PDE4DIP: variants seen among roughly 807,000 people sequenced by gnomAD.
PDE4DIP encodes myomegalin.
In PDE4DIP, 59 loss-of-function variants were observed where a neutral mutation model predicts 221.4. That is an observed-to-expected ratio of 0.27 (90% CI 0.22 to 0.33). The LOEUF (loss-of-function observed/expected upper bound fraction) is 0.33. Among genes scored for constraint, PDE4DIP ranks in the 10% least tolerant of loss-of-function variants. The pLI, the probability that PDE4DIP is intolerant of heterozygous loss-of-function variation, is 1.00. For missense variants in PDE4DIP, 1,036 were observed against 2,154.2 expected, an observed-to-expected ratio of 0.48 and a Z score of 10.28; for synonymous variants, 404 against 815.9, an observed-to-expected ratio of 0.50 and a Z score of 8.60.
intron 1 of PDE4DIP, among the ~76,000 whole-genome samples, chr1:148,925,618 T>C (rs2046522744): frequency 1.3e-5 from 2 of 152,008 alleles, no homozygotes; most frequent in East Asian, 3.9e-4. Context: ...TCTAAGTATT[T>C]TTCCTGGTAA....
intron 5 of PDE4DIP, among the ~76,000 whole-genome samples, chr1:148,941,456 A>G (rs1282744262): frequency 7.3e-6 from 1 of 137,824 alleles, no homozygotes; most frequent in African/African-American, 2.9e-5. Context: ...TTCATGTTGT[A>G]GGCACCAGAA....
At chr1:148,933,084 T>A (rs3124680) in intron 4 of PDE4DIP, among the ~76,000 whole-genome samples, 20,097 of 145,044 alleles carry the variant, frequency 0.14, 1,396 homozygotes, top group Middle Eastern at 0.22. Flanking sequence ...TTTATAAGCC[T>A]CCCAGTTTAT....
At chr1:148,979,035 T>TA (rs34462317) in intron 19 of PDE4DIP, among the ~76,000 whole-genome samples, 8,881 of 133,052 alleles carry the variant, frequency 0.067, 673 homozygotes, top group East Asian at 0.46. Flanking sequence ...CTCTCCCAGT[T>TA]AAAAAAAAAA....
chr1:148,892,338 A>G lies in PDE4DIP; in HGVS notation c.141+2444A>G, dbSNP rs1302078526. On this transcript the variant is annotated intron_variant, in intron 1 of 43. Transcript: ENST00000369354. ...AAAGCTGAATCAGATGGCTGTCTGG[A>G]TCATTTGATCTCACTCTCTGCTCCG... 6.6e-5 allele frequency among the ~76,000 whole-genome samples: 8 copies of G among 121,216 alleles called. 2 individuals are homozygous for G. Among genetic ancestry groups the G allele is most frequent in the Non-Finnish European group, 1.3e-4 (8 of 60,556 alleles). The allele number at this position is 121,216 out of a possible 152,430, so 79.5% of individuals were successfully genotyped here.
At chr1:149,028,967 G>C (rs1232160528) in intron 41 of PDE4DIP, among the ~76,000 whole-genome samples, 1 of 152,164 alleles carries the variant, frequency 6.6e-6, no homozygotes, top group Non-Finnish European at 1.5e-5. Flanking sequence ...TGTGAAGAAG[G>C]CGGAGACATC....
At chr1:148,973,536 A>G (rs587676932) in intron 16 of PDE4DIP, among the ~76,000 whole-genome samples, 3 of 152,088 alleles carry the variant, frequency 2.0e-5, no homozygotes, top group African/African-American at 7.2e-5. Flanking sequence ...CTTAATTCCA[A>G]TTTAACAATA....
chr1:148,978,040 A>G, exon 18 of PDE4DIP: 1 of 1,613,602 alleles, frequency 6.2e-7, no homozygotes, highest in Non-Finnish European at 8.5e-7. Flanking sequence ...CAGATTAAAG[A>G]AGATCTCATA....
intron 21 of PDE4DIP, among the ~76,000 whole-genome samples, chr1:148,989,877 C>G (rs1486101228): frequency 6.6e-6 from 1 of 152,118 alleles, no homozygotes; most frequent in African/African-American, 2.4e-5. Context: ...TTTAAAGCAG[C>G]CAAAGATTAG....
intron 1 of PDE4DIP, among the ~76,000 whole-genome samples, chr1:148,914,084 AG>A (rs1406573103): frequency 7.2e-6 from 1 of 139,294 alleles, no homozygotes; most frequent in Non-Finnish European, 1.5e-5. Context: ...AGATCACCAA[AG>A]GAGTTGGAGT....
chr1:148,956,572 C>A (rs2055405388), intron 5 of PDE4DIP, among the ~76,000 whole-genome samples: 1 of 152,054 alleles, frequency 6.6e-6, no homozygotes, highest in Non-Finnish European at 1.5e-5. Flanking sequence ...CTGGTAATTC[C>A]CTTCTTTATT....
chr1:148,995,563 T>C (rs1235941382), intron 22 of PDE4DIP, among the ~76,000 whole-genome samples: 1 of 151,354 alleles, frequency 6.6e-6, no homozygotes, highest in Non-Finnish European at 1.5e-5. Context: ...ACACAAAAAG[T>C]TGAATTATAT....
intron 5 of PDE4DIP, chr1:148,953,230 G>A (rs372961670): frequency 3.7e-6 from 6 of 1,612,416 alleles, no homozygotes; most frequent in Non-Finnish European, 5.1e-6. Context: ...AGATCCAGGA[G>A]CCACACAGCT....
intron 14 of PDE4DIP, among the ~76,000 whole-genome samples, 167 bp downstream of exon 17, chr1:148,969,197 CT>C (rs1465450456): frequency 6.7e-6 from 1 of 149,512 alleles, no homozygotes; most frequent in East Asian, 2.0e-4. Context: ...TATTTATTTA[CT>C]TACTTATTTA....
intron 32 of PDE4DIP, among the ~76,000 whole-genome samples, chr1:149,015,324 A>G (rs2070088945): frequency 6.6e-6 from 1 of 151,772 alleles, no homozygotes; most frequent in African/African-American, 2.4e-5. Flanking sequence ...AAGTAGGGCT[A>G]AAAACTGGCA....
chr1:149,019,935 A>C (rs2072112205), intron 35 of PDE4DIP, among the ~76,000 whole-genome samples: 2 of 152,132 alleles, frequency 1.3e-5, no homozygotes, highest in African/African-American at 4.8e-5. Flanking sequence ...GGTAGGACAG[A>C]TTAAATAAGT....
At chr1:148,822,466 G>A (rs1669535108) in intron 1 of PDE4DIP, among the ~76,000 whole-genome samples, 1 of 149,226 alleles carries the variant, frequency 6.7e-6, no homozygotes, top group African/African-American at 2.5e-5. Flanking sequence ...GGCATATGAG[G>A]GATCTAGGTT....
At chr1:149,028,455 G>C (rs1553632081) in intron 40 of PDE4DIP, 105 bp from the exon 44 acceptor site, 6 of 866,314 alleles carry the variant, frequency 6.9e-6, no homozygotes. Flanking sequence ...GGGCTTCACA[G>C]GTTCAAGCAG....
intron 41 of PDE4DIP, among the ~76,000 whole-genome samples, chr1:149,029,191 G>A (rs1357078537): frequency 1.6e-4 from 25 of 152,282 alleles, no homozygotes; most frequent in Admixed American, 5.2e-4. Flanking sequence ...CCTGGGGAAA[G>A]TCAGCCACCC....
At chr1:148,820,093 A>AT (rs1209874967) in intron 1 of PDE4DIP, among the ~76,000 whole-genome samples, 1 of 45,498 alleles carries the variant, frequency 2.2e-5, no homozygotes, top group Admixed American at 2.0e-4. Context: ...CACCCGGCTA[A>AT]TTTTTTGTAT....
Sources: allele counts gnomAD v4.1 joint callset (sites outside exome capture counted in the v4.1 genomes callset), GRCh38; gene constraint gnomAD v4.1.1; transcripts MANE v1.5; gene names NCBI Gene and HGNC (gene_info 2026-07-23, HGNC 2026-07-21).